Variants in DNER observed in about 807,000 individuals in gnomAD.
DNER encodes the protein delta/notch like EGF repeat containing.
DNER carries 33 observed loss-of-function variants against 78.2 expected under a neutral mutation model. The ratio of observed to expected loss-of-function variants is 0.42; its 90% CI spans 0.32 to 0.56. The LOEUF is 0.56. Ranked by LOEUF, DNER falls within the 20% of genes least tolerant of loss-of-function variation. The pLI, the probability that DNER is intolerant of heterozygous loss-of-function variation, is 0.11. For synonymous variants in DNER, 417 were observed against 384.8 expected (o/e 1.08, Z -0.98); for missense variants, 918 against 975.3 (o/e 0.94, Z 0.78).
intron 1 of DNER, among the ~76,000 whole-genome samples, chr2:229,692,529 T>A (rs1699595952): frequency 6.6e-6 from 1 of 152,218 alleles, no homozygotes. Flanking sequence ...AGAAACTCAT[T>A]TTATCTTTAG....
At position 229,552,204 on chromosome 2, in the gene DNER, A is replaced by G. The variant is rs1460547725; in HGVS notation, c.848-5112T>C. Among the ~76,000 whole-genome samples, 5 of 152,214 alleles carry G rather than the reference A, an allele frequency of 3.3e-5. No homozygotes were observed. The East Asian group carries it at 9.7e-4, about 29-fold the overall frequency. ...ACAGGCAGTGCATGCTTGAGGGACC[A>G]CTCTGGAAGCCCAGTGAACCTCGCA... is the stretch of plus-strand genomic sequence containing the variant. On this transcript the variant is annotated intron_variant, in intron 4 of 12. Transcript: ENST00000341772.
intron 1 of DNER, among the ~76,000 whole-genome samples, chr2:229,671,168 G>A (rs956306487): frequency 6.6e-6 from 1 of 152,210 alleles, no homozygotes. Context: ...CAACCTGCTT[G>A]CTCAAGCTGA....
intron 7 of DNER, among the ~76,000 whole-genome samples, chr2:229,462,927 G>T (rs9967719): frequency 0.38 from 58,018 of 151,924 alleles, 12,930 homozygotes; most frequent in African/African-American, 0.62. Context: ...TGCTTACAGA[G>T]TTGACTCCTC....
At chr2:229,675,602 A>T (rs1699288093) in intron 1 of DNER, among the ~76,000 whole-genome samples, 1 of 152,150 alleles carries the variant, frequency 6.6e-6, no homozygotes, top group Non-Finnish European at 1.5e-5. Context: ...CTAATCATCC[A>T]GAAGAAATCT....
intron 1 of DNER, among the ~76,000 whole-genome samples, chr2:229,614,184 T>A (rs6723815): frequency 1 from 151,448 of 151,510 alleles, 75,693 homozygotes; most frequent in Middle Eastern, 1. Flanking sequence ...TAATAATAAT[T>A]AAAAAATTTA....
intron 1 of DNER, among the ~76,000 whole-genome samples, chr2:229,692,820 A>G (rs1300533073): frequency 3.3e-5 from 5 of 152,170 alleles, no homozygotes; most frequent in African/African-American, 4.8e-5. Context: ...AGCATCTTTT[A>G]TAAAGTATTT....
rs372420000 is a variant in DNER, at chr2:229,447,354, C to T, written c.1448G>A (p.Arg483His). 56 of 1,609,866 alleles carry T rather than the reference C, an allele frequency of 3.5e-5. No homozygotes were observed. The highest frequency in any genetic ancestry group is 1.1e-4 in the African/African-American group (8 of 74,852). Residue 483 changes from arginine to histidine, a missense_variant, in exon 8 of 13, where the codon CGC (arginine) becomes CAC (histidine). Arg to His is a conservative substitution (Grantham distance 29). Transcript: ENST00000341772. ...ALSPCAHGTCRSVGTSYKCLC... is the reference protein window; with the variant it reads ...ALSPCAHGTCHSVGTSYKCLC... ...GCATTTGTAGCTGGTGCCCACGCTG[C>T]GGCACGTGCCATGAGCACAGGGGCT...
At chr2:229,418,081 G>A in intron 9 of DNER, 27 bp downstream of exon 9, 1 of 1,613,998 alleles carries the variant, frequency 6.2e-7, no homozygotes, top group South Asian at 1.1e-5. Flanking sequence ...AGCCATTCTG[G>A]CACAGGAAGG....
intron 6 of DNER, among the ~76,000 whole-genome samples, chr2:229,493,018 T>C (rs1395254797): frequency 6.6e-6 from 1 of 152,144 alleles, no homozygotes; most frequent in East Asian, 1.9e-4. Context: ...ATTCACTCAC[T>C]TCTTGAGGTG....
intron 1 of DNER, among the ~76,000 whole-genome samples, chr2:229,619,328 T>C (rs1698215979): frequency 1.3e-5 from 2 of 152,126 alleles, no homozygotes; most frequent in African/African-American, 4.8e-5. Context: ...GAACACGTTA[T>C]CTAACAAAAT....
Position 229,370,952 on chromosome 2 carries a change from T to C in DNER, c.1856-3833A>G, listed in dbSNP as rs186407820. ...TGAAAAAAACAACCATACTGGGCTA[T>C]GTGCTCAGTGCAGTGTCCCAGGTCT... On this transcript the variant is annotated intron_variant, in intron 11 of 12. Transcript: ENST00000341772. Among the ~76,000 whole-genome samples the C allele has an allele frequency of 1.1e-3, 168 of 152,350 alleles. 1 individual carries two copies. The highest frequency in any genetic ancestry group is 1.5e-3 in the South Asian group (7 of 4,826).
chr2:229,369,788 A>G (rs1305517673), intron 11 of DNER, among the ~76,000 whole-genome samples: 1 of 152,216 alleles, frequency 6.6e-6, no homozygotes, highest in African/African-American at 2.4e-5. Context: ...AACTATCTAG[A>G]TAGCGTATAC....
chr2:229,563,245 T>C (rs1457462256), intron 4 of DNER, among the ~76,000 whole-genome samples: 1 of 122,258 alleles, frequency 8.2e-6, no homozygotes. Context: ...CCTCACCCCA[T>C]CACCATCATC....
chr2:229,471,418 C>T (rs1694923217), intron 7 of DNER, among the ~76,000 whole-genome samples: 1 of 152,082 alleles, frequency 6.6e-6, no homozygotes, highest in African/African-American at 2.4e-5. Flanking sequence ...CCTACAGGAC[C>T]TTTGGGCCAA....
At chr2:229,710,181 C>T (rs1699889620) in intron 1 of DNER, among the ~76,000 whole-genome samples, 1 of 152,172 alleles carries the variant, frequency 6.6e-6, no homozygotes, top group Non-Finnish European at 1.5e-5. Flanking sequence ...CACCTCTGTG[C>T]CTTTTTATTC....
chr2:229,714,547 C>T lies in DNER; in HGVS notation c.-124G>A, dbSNP rs1364797711. 9.8e-7 allele frequency: 1 copy of T among 1,021,914 alleles called. No individual in the cohort carries two copies. Among genetic ancestry groups the T allele is most frequent in the Non-Finnish European group, 1.2e-6 (1 of 851,538 alleles). 63.3% of individuals were successfully genotyped at this position (1,021,914 alleles called of 1,614,324 possible). A position where few individuals can be genotyped will look rare whatever the true frequency, so the allele number is the denominator to read the frequency against. ...GGCTGCTCCGCCGGGCCGGGCGCCT[C>T]CTGCAGCTGCGGGATCCGCGGTTCC... is the stretch of plus-strand genomic sequence containing the variant. On this transcript the variant is annotated 5_prime_UTR_variant, in exon 1 of 13. Coordinates refer to ENST00000341772, the MANE Select transcript of DNER (RefSeq NM_139072.4).
chr2:229,424,584 C>A (rs1364470092), intron 8 of DNER, among the ~76,000 whole-genome samples: 1 of 152,156 alleles, frequency 6.6e-6, no homozygotes. Context: ...TGAGTCCTCA[C>A]ATGTCCTTTT....
intron 1 of DNER, among the ~76,000 whole-genome samples, chr2:229,713,422 C>G (rs1699938952): frequency 6.6e-6 from 1 of 152,258 alleles, no homozygotes; most frequent in African/African-American, 2.4e-5. Context: ...TCCCGGTGCC[C>G]TGCTCACGCC....
At chr2:229,415,173 A>T (rs1013958353) in intron 9 of DNER, among the ~76,000 whole-genome samples, 77 of 147,514 alleles carry the variant, frequency 5.2e-4, no homozygotes, top group Middle Eastern at 3.5e-3. Flanking sequence ...AAAAAAAAAA[A>T]GTCCAGGCCT....
Sources: gnomAD v4.1 joint callset for allele counts (sites outside exome capture counted in the v4.1 genomes callset) on GRCh38, gnomAD v4.1.1 for gene constraint, MANE v1.5 for transcripts, NCBI Gene and HGNC (gene_info 2026-07-23, HGNC 2026-07-21) for gene names.